The following PKP4 variants were observed in gnomAD, a reference collection of about 807,000 sequenced individuals.
PKP4 encodes plakophilin 4, also known as plakophilin-4.
In PKP4, 90 loss-of-function variants were observed where a neutral mutation model predicts 145.1. That is an observed-to-expected ratio of 0.62 (90% CI 0.52 to 0.74). The LOEUF (loss-of-function observed/expected upper bound fraction) is 0.74, where lower values mean the gene tolerates loss of function less well. Among genes scored for constraint, PKP4 ranks in the 30% least tolerant of loss-of-function variants. PKP4 has a pLI of 0.00. For synonymous variants in PKP4, 563 were observed against 577.2 expected, an observed-to-expected ratio of 0.98 and a Z score of 0.35; for missense variants, 1,340 against 1,482.7, an observed-to-expected ratio of 0.90 and a Z score of 1.58.
At chr2:158,503,934 C>G (rs1046456368) in intron 1 of PKP4, among the ~76,000 whole-genome samples, 1 of 138,822 alleles carries the variant, frequency 7.2e-6, no homozygotes, top group Non-Finnish European at 1.5e-5. Flanking sequence ...TACTTTGAGA[C>G]TACTGTTTTA....
chr2:158,539,027 T>G (rs1490258581), intron 2 of PKP4, among the ~76,000 whole-genome samples: 1 of 152,226 alleles, frequency 6.6e-6, no homozygotes, highest in Admixed American at 6.5e-5. Flanking sequence ...GCTTCTTTTG[T>G]TATCTTTGAT....
intron 2 of PKP4, among the ~76,000 whole-genome samples, chr2:158,555,352 G>A (rs1192187854): frequency 6.6e-6 from 1 of 152,206 alleles, no homozygotes; most frequent in Non-Finnish European, 1.5e-5. Context: ...GTATATTAAA[G>A]AAATGTTAGC....
intron 2 of PKP4, among the ~76,000 whole-genome samples, chr2:158,537,330 G>A (rs749028889): frequency 8.5e-5 from 13 of 152,168 alleles, no homozygotes; most frequent in South Asian, 4.2e-4. Flanking sequence ...TTCATCTCCC[G>A]TCTGTCCAAT....
At chr2:158,532,447 C>T (rs978007185) in intron 1 of PKP4, among the ~76,000 whole-genome samples, 3 of 152,126 alleles carry the variant, frequency 2.0e-5, no homozygotes, top group Non-Finnish European at 4.4e-5. Flanking sequence ...AAAGACTGTA[C>T]TCACTAGAAG....
chr2:158,496,788 G>GTC (rs1168825806), intron 1 of PKP4, among the ~76,000 whole-genome samples: 42 of 150,620 alleles, frequency 2.8e-4, no homozygotes, highest in Non-Finnish European at 4.6e-4. Context: ...GTGTGTGTGT[G>GTC]TGTGTGTCTG....
intron 1 of PKP4, among the ~76,000 whole-genome samples, chr2:158,509,393 A>G (rs556611230): frequency 3.9e-5 from 6 of 152,350 alleles, no homozygotes; most frequent in Non-Finnish European, 4.4e-5. Context: ...CAGAACAGAT[A>G]TCTATATTTT....
intron 17 of PKP4, 33 bp downstream of exon 17, chr2:158,669,948 T>G: frequency 6.5e-7 from 1 of 1,547,890 alleles, no homozygotes; most frequent in East Asian, 2.3e-5. Flanking sequence ...CAAGCAGTGC[T>G]CTTATTCCTG....
Position 158,642,620 on chromosome 2 carries a change from G to A in PKP4, c.1830G>A (p.Met610Ile), listed in dbSNP as rs940373689. The stretch of plus-strand genomic sequence containing the variant: ...CTACAGATGAAAATAAAATAGCAAT[G>A]AAGAATGTTGGTGGGATACCTGCCT... ...GKSTDENKIA[M>I]KNVGGIPALL... The change falls in exon 11 of 22, where the codon ATG becomes ATA. Residue 610 changes from methionine to isoleucine, a missense_variant. Physicochemically the swap from Met to Ile is conservative, Grantham distance 10 (BLOSUM62 1). Coordinates refer to ENST00000389759, the MANE Select transcript of PKP4 (RefSeq NM_003628.6). 6.2e-7 allele frequency: 1 copy of A among 1,613,530 alleles called. No individual in the cohort carries two copies. Among genetic ancestry groups the A allele is most frequent in the Admixed American group, 1.7e-5 (1 of 59,950 alleles).
chr2:158,496,272 C>T (rs1032932887), intron 1 of PKP4, among the ~76,000 whole-genome samples: 7 of 152,118 alleles, frequency 4.6e-5, no homozygotes, highest in African/African-American at 7.2e-5. Context: ...TGAGCCACTG[C>T]GCCTGGCCCA....
chr2:158,529,611 C>G (rs1487393116), intron 1 of PKP4, among the ~76,000 whole-genome samples: 2 of 152,178 alleles, frequency 1.3e-5, no homozygotes, highest in East Asian at 3.9e-4. Flanking sequence ...CTTAAACGCC[C>G]TTCCTATCAT....
At chr2:158,588,682 A>G (rs1439512761) in intron 3 of PKP4, among the ~76,000 whole-genome samples, 1 of 152,182 alleles carries the variant, frequency 6.6e-6, no homozygotes, top group African/African-American at 2.4e-5. Context: ...TGTGGAAGAA[A>G]TAACTTTCTT....
At chr2:158,612,882 T>C (rs915508564) in intron 4 of PKP4, among the ~76,000 whole-genome samples, 1 of 152,180 alleles carries the variant, frequency 6.6e-6, no homozygotes, top group Non-Finnish European at 1.5e-5. Context: ...CCTTAGAATA[T>C]AGTAAAAGTA....
chr2:158,485,184 T>A (rs1693990339), intron 1 of PKP4, among the ~76,000 whole-genome samples: 1 of 152,214 alleles, frequency 6.6e-6, no homozygotes, highest in Non-Finnish European at 1.5e-5. Context: ...AAGGCCAGAT[T>A]TGCAGCTACT....
intron 1 of PKP4, among the ~76,000 whole-genome samples, chr2:158,484,376 G>C (rs953489759): frequency 1.3e-5 from 2 of 152,168 alleles, no homozygotes; most frequent in Admixed American, 1.3e-4. Flanking sequence ...TCTTGAATCC[G>C]TGCTAACTCA....
At chr2:158,471,778 G>A (rs1691608043) in intron 1 of PKP4, among the ~76,000 whole-genome samples, 1 of 152,148 alleles carries the variant, frequency 6.6e-6, no homozygotes, top group Non-Finnish European at 1.5e-5. Context: ...AAAAGAACTA[G>A]TCATTGAAAA....
At position 158,625,381 on chromosome 2, in the gene PKP4, T is replaced by C. The variant is rs753477190; in HGVS notation, c.1107T>C (p.Tyr369=). The change falls in exon 7 of 22, where the codon TAT becomes TAC. Residue 369 remains tyrosine, a synonymous_variant. Coordinates refer to ENST00000389759, the MANE Select transcript of PKP4 (RefSeq NM_003628.6). ...TGGAGCAATTCGGACAGCAGCAGTA[T>C]GACATTTATGAGAGGATGGTTCCAC... ...HDMEQFGQQQ[Y]DIYERMVPPR... The C allele has an allele frequency of 2.5e-6, 4 of 1,614,110 alleles. No individual in the cohort carries two copies. The highest frequency in any genetic ancestry group is 3.4e-6 in the Non-Finnish European group (4 of 1,179,990).
At chr2:158,628,463 G>A (rs559225271) in intron 7 of PKP4, among the ~76,000 whole-genome samples, 4 of 152,098 alleles carry the variant, frequency 2.6e-5, no homozygotes, top group South Asian at 2.1e-4. Context: ...ACACACGAGC[G>A]GGTAAACAAA....
intron 1 of PKP4, among the ~76,000 whole-genome samples, chr2:158,461,692 T>C (rs1689795332): frequency 6.6e-6 from 1 of 152,144 alleles, no homozygotes; most frequent in South Asian, 2.1e-4. Flanking sequence ...GAAGCACCTT[T>C]CTTTGACATC....
intron 1 of PKP4, among the ~76,000 whole-genome samples, chr2:158,507,606 T>A (rs757152872): frequency 2.0e-5 from 3 of 152,240 alleles, no homozygotes; most frequent in Non-Finnish European, 4.4e-5. Flanking sequence ...GCTTGGACTC[T>A]TGACTTCTTG....
Sources: gnomAD v4.1 joint callset for allele counts (sites outside exome capture counted in the v4.1 genomes callset) on GRCh38, gnomAD v4.1.1 for gene constraint, MANE v1.5 for transcripts, NCBI Gene and HGNC (gene_info 2026-07-23, HGNC 2026-07-21) for gene names.